The following ARHGEF10L variants were observed in gnomAD, a reference collection of about 807,000 sequenced individuals.
ARHGEF10L encodes the protein Rho guanine nucleotide exchange factor 10 like.
In ARHGEF10L, 69 loss-of-function variants were observed where a neutral mutation model predicts 141.2. The observed-to-expected ratio is 0.49, with a 90% confidence interval of 0.40 to 0.60. ARHGEF10L has a LOEUF of 0.60. Among genes scored for constraint, ARHGEF10L ranks in the 20% least tolerant of loss-of-function variants. The pLI is 0.00. For synonymous variants in ARHGEF10L, 711 were observed against 718.5 expected (o/e 0.99, Z 0.17); for missense variants, 1,482 against 1,734.3 (o/e 0.85, Z 2.58).
chr1:17,632,486 AG>A lies in ARHGEF10L; in HGVS notation c.1730+25del. On this transcript the variant is annotated intron_variant, in intron 16 of 28. Coordinates refer to ENST00000361221, the MANE Select transcript of ARHGEF10L (RefSeq NM_018125.4). The stretch of plus-strand genomic sequence containing the variant: ...CTTCAAGTAAGTGGGCCTGGGTTGG[AG>A]GGGGCAATCACCCCTCCCTGGAGAC... The A allele has an allele frequency of 1.9e-6, 3 of 1,613,700 alleles. No homozygotes were observed. In the South Asian group the frequency reaches 3.3e-5, roughly 18 times the overall value.
rs902078615 is a variant in ARHGEF10L at position 17,639,014 on chromosome 1, G to A, written c.2171+325G>A. 2.6e-5 allele frequency among the ~76,000 whole-genome samples: 4 copies of A among 152,062 alleles called. No individual in the cohort carries two copies. The highest frequency in any genetic ancestry group is 9.7e-5 in the African/African-American group (4 of 41,386). ...TTTTCAGTCACTTCAGCCTATCTAGGCCCCCAGGCCAGGCCCTGGGTTTCC... is the reference window on the plus strand; with the variant it reads ...TTTTCAGTCACTTCAGCCTATCTAGACCCCCAGGCCAGGCCCTGGGTTTCC... On this transcript the variant is annotated intron_variant, in intron 20 of 28. Transcript: ENST00000361221. The surrounding 1 kb of genome is among the most constrained non-coding windows in gnomAD (Gnocchi z 4.3).
Position 17,654,702 on chromosome 1 carries a change from C to T in ARHGEF10L, c.2461C>T (p.Leu821Phe). ...LLGFSAVSTS[L>F]PQGYLWVGGG... The stretch of plus-strand genomic sequence containing the variant: ...GGGTTTCTCAGCAGTCAGCACCTCC[C>T]TTCCACAGGGCTACCTCTGGGTGAG... The change falls in exon 23 of 29, where the codon CTT becomes TTT. Residue 821 changes from leucine (L) to phenylalanine (F), a missense_variant. Transcript: ENST00000361221. This position sits in a 1 kb window ranked among gnomAD's most constrained non-coding sequence, Gnocchi z 4.3. 1 of 1,614,196 alleles carries T rather than the reference C, an allele frequency of 6.2e-7. No individual in the cohort carries two copies. Among genetic ancestry groups the T allele is most frequent in the Non-Finnish European group, 8.5e-7 (1 of 1,180,034 alleles).
intron 19 of ARHGEF10L, 44 bp from the exon 20 acceptor site, chr1:17,638,518 G>A (rs762926943): frequency 3.7e-6 from 6 of 1,611,614 alleles, no homozygotes; most frequent in Non-Finnish European, 5.1e-6. Context: ...CTTTTGGGGA[G>A]CCAGTGTGCT....
rs902223207 is a variant in ARHGEF10L at position 17,615,678 on chromosome 1, G to A, written c.727-416G>A. On this transcript the variant is annotated intron_variant, in intron 8 of 28. Coordinates refer to ENST00000361221, the MANE Select transcript of ARHGEF10L (RefSeq NM_018125.4). This position sits in a 1 kb window ranked among gnomAD's most constrained non-coding sequence, Gnocchi z 4.7. ...GTTTGGTGCTCACAGACCCTGGCAA[G>A]GATCGGTATTGCTGTTCCTCAGTTT... 2 of 166,996 alleles carry A rather than the reference G, an allele frequency of 1.2e-5. No homozygotes were observed. Among genetic ancestry groups the A allele is most frequent in the African/African-American group, 4.7e-5 (2 of 42,152 alleles). 10.3% of individuals were successfully genotyped at this position (166,996 alleles called of 1,614,324 possible). A position where few individuals can be genotyped will look rare whatever the true frequency, so the allele number is the denominator to read the frequency against.
At chr1:17,582,665 G>A (rs1540977) in intron 2 of ARHGEF10L, among the ~76,000 whole-genome samples, 146,053 of 152,296 alleles carry the variant, frequency 0.96, 70,072 homozygotes, top group East Asian at 1. Flanking sequence ...GGCTCAGTGC[G>A]AGGGCAGCCT....
rs76339850 is a variant in ARHGEF10L, at chr1:17,639,565, C to T, written c.2172-637C>T. 0.015 allele frequency among the ~76,000 whole-genome samples: 2,335 copies of T among 152,268 alleles called. 20 individuals carry two copies. Among genetic ancestry groups the T allele is most frequent in the South Asian group, 0.023 (110 of 4,822 alleles). On this transcript the variant is annotated intron_variant, in intron 20 of 28. Coordinates refer to ENST00000361221, the MANE Select transcript of ARHGEF10L (RefSeq NM_018125.4). The surrounding 1 kb of genome is among the most constrained non-coding windows in gnomAD (Gnocchi z 4.3). Reference sequence around the variant, plus strand: ...CCGTCTCCCTTCCTCCATCTCCCTTCTCTCTGCCTCTCATTCTCCACGTGC... The same window carrying T: ...CCGTCTCCCTTCCTCCATCTCCCTTTTCTCTGCCTCTCATTCTCCACGTGC...
At chr1:17,516,520 C>T in the ARHGEF10L span, among the ~76,000 whole-genome samples, 1 of 152,216 alleles carries the variant, frequency 6.6e-6, no homozygotes, top group African/African-American at 2.4e-5. Flanking sequence ...CTCCCCGTCC[C>T]TGTCCCCTGA....
chr1:17,672,790 G>A (rs11582110), intron 26 of ARHGEF10L, among the ~76,000 whole-genome samples: 4,924 of 152,224 alleles, frequency 0.032, 297 homozygotes, highest in African/African-American at 0.11. Flanking sequence ...AAGTTTGTGA[G>A]GCATGGGAGG....
At chr1:17,528,543 A>T in the ARHGEF10L span, among the ~76,000 whole-genome samples, 203 of 151,510 alleles carry the variant, frequency 1.3e-3, no homozygotes, top group African/African-American at 4.6e-3. Flanking sequence ...TCATCCATCC[A>T]CCCATCCATC....
intron 21 of ARHGEF10L, among the ~76,000 whole-genome samples, chr1:17,642,145 G>A (rs1373062887): frequency 2.0e-5 from 3 of 152,170 alleles, no homozygotes; most frequent in African/African-American, 7.2e-5. Context: ...ATTTATGAGG[G>A]GCAGGCAGGT....
At chr1:17,521,868 T>G in the ARHGEF10L span, among the ~76,000 whole-genome samples, 3 of 152,058 alleles carry the variant, frequency 2.0e-5, no homozygotes, top group East Asian at 5.9e-4. Context: ...TTTAGGTGAC[T>G]GTGTGACGCT....
In ARHGEF10L at chr1:17,654,516, G is replaced by T; in HGVS notation, c.2395-120G>T. The T allele has an allele frequency of 1.2e-6, 1 of 865,168 alleles. No homozygotes were observed. The allele number at this position is 865,168 out of a possible 1,614,324, so 53.6% of individuals were successfully genotyped here. ...CACTCGTGAAGCATGTTGCTTTCCT[G>T]GCCCCCACCCACAGGGATTCTAATC... is the stretch of plus-strand genomic sequence containing the variant. On this transcript the variant is annotated intron_variant, in intron 22 of 28. Coordinates refer to ENST00000361221, the MANE Select transcript of ARHGEF10L (RefSeq NM_018125.4). The surrounding 1 kb of genome is among the most constrained non-coding windows in gnomAD (Gnocchi z 4.3).
intron 26 of ARHGEF10L, among the ~76,000 whole-genome samples, chr1:17,686,806 A>C (rs572878123): frequency 2.9e-4 from 44 of 152,218 alleles, no homozygotes; most frequent in African/African-American, 9.4e-4. Context: ...TCTTTTTTAA[A>C]AAAGTTTTTA....
intron 26 of ARHGEF10L, among the ~76,000 whole-genome samples, chr1:17,672,555 G>T (rs529333493): frequency 6.6e-6 from 1 of 152,094 alleles, no homozygotes. Context: ...GGCTCTGCTC[G>T]GCAGTTTGTC....
intron 26 of ARHGEF10L, among the ~76,000 whole-genome samples, chr1:17,678,367 T>G (rs1221431202): frequency 6.6e-6 from 1 of 151,818 alleles, no homozygotes; most frequent in African/African-American, 2.4e-5. Flanking sequence ...CAAGATGCTT[T>G]TTCTATTCCA....
rs771582025 is a variant in ARHGEF10L, at chr1:17,639,730, T to C, written c.2172-472T>C. On this transcript the variant is annotated intron_variant, in intron 20 of 28. Transcript: ENST00000361221. The surrounding 1 kb of genome is among the most constrained non-coding windows in gnomAD (Gnocchi z 4.3). ...CTGGTGCTTAACCTGATTCATTCAT[T>C]TCTTCATTCATTCCTGTGTCCACTC... 1.3e-4 allele frequency: 98 copies of C among 733,040 alleles called. No homozygotes were observed. Among genetic ancestry groups the C allele is most frequent in the Non-Finnish European group, 1.8e-4 (87 of 482,730 alleles). 45.4% of individuals were successfully genotyped at this position (733,040 alleles called of 1,614,324 possible). A position where few individuals can be genotyped will look rare whatever the true frequency, so the allele number is the denominator to read the frequency against.
At chr1:17,539,361 G>A (rs1048350130), upstream of ARHGEF10L, among the ~76,000 whole-genome samples, 5 of 152,224 alleles carry the variant, frequency 3.3e-5, no homozygotes, top group African/African-American at 1.2e-4. The surrounding 1 kb of genome is among the most constrained non-coding windows in gnomAD (Gnocchi z 6.0). Context: ...GGAGAAGCCA[G>A]CACCCTGCGC....
intron 2 of ARHGEF10L, among the ~76,000 whole-genome samples, chr1:17,583,181 G>A (rs1242302726): frequency 6.7e-6 from 1 of 148,338 alleles, no homozygotes; most frequent in African/African-American, 2.5e-5. Context: ...CTCCAGCCTG[G>A]GTGACAGAGT....
chr1:17,585,104 A>G (rs1377115830), intron 2 of ARHGEF10L, among the ~76,000 whole-genome samples: 1 of 152,204 alleles, frequency 6.6e-6, no homozygotes, highest in Non-Finnish European at 1.5e-5. Context: ...AAAACAAGCT[A>G]TCAATCCAAA....
Sources: gnomAD v4.1 joint callset for allele counts (sites outside exome capture counted in the v4.1 genomes callset) on GRCh38, gnomAD v4.1.1 for gene constraint, Gnocchi (gnomAD v3.1) non-coding constraint, MANE v1.5 for transcripts, NCBI Gene and HGNC (gene_info 2026-07-23, HGNC 2026-07-21) for gene names.